The following TRPC4 variants were observed in gnomAD, a reference collection of about 807,000 sequenced individuals.
The protein encoded by TRPC4 is short transient receptor potential channel 4.
In TRPC4, 49 loss-of-function variants were observed where a neutral mutation model predicts 99.4. The ratio of observed to expected loss-of-function variants is 0.49; its 90% CI spans 0.39 to 0.63. The LOEUF (loss-of-function observed/expected upper bound fraction) is 0.63. TRPC4 is among the 20% of genes least tolerant of loss of function. The pLI is 0.00. For synonymous variants in TRPC4, 454 were observed against 425.9 expected, an observed-to-expected ratio of 1.07 and a Z score of -0.81; for missense variants, 898 against 1,152.9, an observed-to-expected ratio of 0.78 and a Z score of 3.20.
rs181760494 is a variant in TRPC4, at chr13:37,713,979, C to T, written c.898-21644G>A. On this transcript the variant is annotated intron_variant, in intron 3 of 10. Transcript: ENST00000379705. ...CTATGCATTCCCTTCCTTTACTCCA[C>T]GACTTTTCCTGAATCCTCCATTTCT... Among the ~76,000 whole-genome samples, 141 of 152,210 alleles carry T rather than the reference C, an allele frequency of 9.3e-4. 1 individual carries two copies. Among genetic ancestry groups the T allele is most frequent in the Middle Eastern group, 3.4e-3 (1 of 294 alleles).
At chr13:37,678,715 A>C (rs1438294245) in intron 4 of TRPC4, among the ~76,000 whole-genome samples, 2 of 152,132 alleles carry the variant, frequency 1.3e-5, no homozygotes, top group Non-Finnish European at 2.9e-5. Flanking sequence ...ACACTCTTGC[A>C]AAGATAACAA....
At chr13:37,733,095 A>G (rs767123179) in intron 3 of TRPC4, among the ~76,000 whole-genome samples, 1 of 152,200 alleles carries the variant, frequency 6.6e-6, no homozygotes, top group Non-Finnish European at 1.5e-5. Flanking sequence ...CAACATGGCA[A>G]AACCTTGTCT....
chr13:37,679,537 TAAAC>T (rs1953167785), intron 4 of TRPC4, among the ~76,000 whole-genome samples: 1 of 152,132 alleles, frequency 6.6e-6, no homozygotes, highest in Non-Finnish European at 1.5e-5. Flanking sequence ...TTAGTGAAAA[TAAAC>T]AATGACTATT....
At chr13:37,813,599 T>C (rs1388109669) in intron 1 of TRPC4, among the ~76,000 whole-genome samples, 1 of 151,888 alleles carries the variant, frequency 6.6e-6, no homozygotes, top group Non-Finnish European at 1.5e-5. Flanking sequence ...AGTGTACAAC[T>C]GTATGCCAAC....
At chr13:37,825,293 G>T (rs1958169080) in intron 1 of TRPC4, among the ~76,000 whole-genome samples, 1 of 151,000 alleles carries the variant, frequency 6.6e-6, no homozygotes, top group African/African-American at 2.4e-5. Context: ...TCTGATTTTA[G>T]TTATTTCTTG....
chr13:37,780,440 G>A (rs541992788), intron 2 of TRPC4, among the ~76,000 whole-genome samples: 42 of 152,056 alleles, frequency 2.8e-4, no homozygotes, highest in Admixed American at 7.9e-4. Flanking sequence ...GAATGATGAC[G>A]TGTCCCAGAA....
rs1955772181 is a variant in TRPC4 at position 37,746,205 on chromosome 13, G to A, written c.629C>T (p.Ala210Val). The change falls in exon 3 of 11, where the codon GCA becomes GTA. Residue 210 changes from alanine (A) to valine (V), a missense_variant. Ala to Val is a moderately conservative substitution (Grantham distance 64, BLOSUM62 0). Around this residue, in one of 3 missense-constraint regions of TRPC4, gnomAD observed 278 missense variants for 346.6 expected, o/e 0.80. Coordinates refer to ENST00000379705, the MANE Select transcript of TRPC4 (RefSeq NM_016179.4). ...GAGAAAAGGATCTTCGCTTGACAGT[G>A]CAATGAGAGAGGGACTGGCCAAGGC... ...YKALASPSLI[A>V]LSSEDPFLTA... 6.2e-7 allele frequency: 1 copy of A among 1,613,814 alleles called. No homozygotes were observed. The highest frequency in any genetic ancestry group is 2.2e-5 in the East Asian group (1 of 44,768).
At chr13:37,745,436 G>GTATA (rs1201385469) in intron 3 of TRPC4, among the ~76,000 whole-genome samples, 221 of 20,654 alleles carry the variant, frequency 0.011, no homozygotes, top group African/African-American at 0.019. Flanking sequence ...ATATATATGC[G>GTATA]TATATATATA....
In TRPC4 at chr13:37,783,613, G is replaced by T. The variant is rs1381187046; in HGVS notation, c.-27-253C>A. On this transcript the variant is annotated intron_variant, in intron 1 of 10. Transcript: ENST00000379705. ...GGTAAACTATTTAAAAAGTTACTCT[G>T]AAAGTGAATTTTATCAGAGAATGCA... Among the ~76,000 whole-genome samples, 3 of 151,790 alleles carry T rather than the reference G, an allele frequency of 2.0e-5. No homozygotes were observed. The East Asian group carries it at 5.8e-4, about 29-fold the overall frequency.
intron 2 of TRPC4, 59 bp downstream of exon 2, chr13:37,782,897 G>T: frequency 2.0e-5 from 26 of 1,301,298 alleles, no homozygotes; most frequent in Non-Finnish European, 2.3e-5. Context: ...AGAAAGAAAA[G>T]AAAAAACAAA....
At chr13:37,721,059 T>G (rs1383966651) in intron 3 of TRPC4, among the ~76,000 whole-genome samples, 2 of 152,174 alleles carry the variant, frequency 1.3e-5, no homozygotes, top group Non-Finnish European at 2.9e-5. Flanking sequence ...CCTCACAGAC[T>G]ATACACAAAG....
At chr13:37,856,038 A>C (rs1444202491) in intron 1 of TRPC4, among the ~76,000 whole-genome samples, 2 of 151,860 alleles carry the variant, frequency 1.3e-5, no homozygotes, top group Non-Finnish European at 2.9e-5. Flanking sequence ...AGATCAGACA[A>C]GATAAATGAA....
At position 37,819,905 on chromosome 13, in the gene TRPC4, G is replaced by T. The variant is rs1046979083; in HGVS notation, c.-27-36545C>A. 8.0e-5 allele frequency among the ~76,000 whole-genome samples: 12 copies of T among 149,688 alleles called. No individual in the cohort carries two copies. The South Asian group carries it at 2.3e-3, about 29-fold the overall frequency. On this transcript the variant is annotated intron_variant, in intron 1 of 10. Transcript: ENST00000379705. ...AGAGGAACTAAAAAAACAAGGGCCA[G>T]CCAACCCCAAATCTAGTAGAAGGCA...
chr13:37,770,593 G>C (rs116639278), intron 2 of TRPC4, among the ~76,000 whole-genome samples: 2 of 151,460 alleles, frequency 1.3e-5, no homozygotes, highest in African/African-American at 4.8e-5. Context: ...CTTTCTTAAG[G>C]CTGGTAATTT....
intron 3 of TRPC4, among the ~76,000 whole-genome samples, chr13:37,732,254 C>A (rs1417097685): frequency 2.0e-5 from 3 of 151,976 alleles, no homozygotes; most frequent in Non-Finnish European, 4.4e-5. Flanking sequence ...ACCAGTCTAA[C>A]CTGATAAATG....
intron 3 of TRPC4, among the ~76,000 whole-genome samples, chr13:37,709,040 T>C (rs1954383326): frequency 1.3e-5 from 2 of 152,034 alleles, no homozygotes; most frequent in Admixed American, 6.6e-5. Context: ...GAAGGAAATA[T>C]CCACCTCTAA....
At chr13:37,674,839 C>T (rs376410383) in intron 4 of TRPC4, among the ~76,000 whole-genome samples, 3 of 151,926 alleles carry the variant, frequency 2.0e-5, no homozygotes, top group Non-Finnish European at 2.9e-5. Context: ...CTTCAGAGAC[C>T]GGACTTCAAT....
intron 7 of TRPC4, among the ~76,000 whole-genome samples, chr13:37,654,376 G>A (rs974823215): frequency 6.6e-6 from 1 of 152,086 alleles, no homozygotes; most frequent in Non-Finnish European, 1.5e-5. Context: ...GCTATTGCTA[G>A]TGGTCCTAGA....
At chr13:37,831,896 G>A (rs1958430822) in intron 1 of TRPC4, among the ~76,000 whole-genome samples, 1 of 152,088 alleles carries the variant, frequency 6.6e-6, no homozygotes, top group Admixed American at 6.5e-5. Flanking sequence ...GGGTGGAGTG[G>A]GGAAAGGGGA....
Sources: gnomAD v4.1 joint callset for allele counts (sites outside exome capture counted in the v4.1 genomes callset) on GRCh38, gnomAD v4.1.1 for gene constraint, gnomAD v4.1.1 regional missense constraint, MANE v1.5 for transcripts, NCBI Gene and HGNC (gene_info 2026-07-23, HGNC 2026-07-21) for gene names.